The following C3orf20 variants were observed in gnomAD, a reference collection of about 807,000 sequenced individuals.
C3orf20 encodes family with sequence similarity 149 member C.
C3orf20 carries 76 observed loss-of-function variants against 88.3 expected under a neutral mutation model. That is an observed-to-expected ratio of 0.86 (90% CI 0.72 to 1.04). C3orf20 has a LOEUF of 1.04. Among genes scored for constraint, C3orf20 ranks in the 50% least tolerant of loss-of-function variants. C3orf20 has a pLI of 0.00. For missense variants in C3orf20, 1,056 were observed against 1,123.3 expected (o/e 0.94, Z 0.86); for synonymous variants, 436 against 437.4 (o/e 1.00, Z 0.04).
intron 12 of C3orf20, among the ~76,000 whole-genome samples, chr3:14,732,676 T>C (rs984986643): frequency 1.3e-5 from 2 of 152,216 alleles, no homozygotes; most frequent in African/African-American, 4.8e-5. Flanking sequence ...AGGACAGAGA[T>C]GCTGCTAAAC....
intron 12 of C3orf20, among the ~76,000 whole-genome samples, chr3:14,738,817 T>A (rs11926474): frequency 1.1e-4 from 13 of 120,418 alleles, no homozygotes; most frequent in Middle Eastern, 4.0e-3. Flanking sequence ...ATTTTTTTGT[T>A]TTTTTTTTTT....
chr3:14,756,457 G>A (rs1248075543), intron 12 of C3orf20, among the ~76,000 whole-genome samples: 1 of 152,036 alleles, frequency 6.6e-6, no homozygotes, highest in African/African-American at 2.4e-5. Flanking sequence ...ATTCTAGTAG[G>A]ACAGAGAAGT....
intron 15 of C3orf20, chr3:14,767,158 G>A (rs1304238431): frequency 6.6e-6 from 1 of 152,488 alleles, no homozygotes; most frequent in Admixed American, 6.5e-5. Flanking sequence ...GGATGGGAAT[G>A]TGCCAGACCT....
rs2033405317 is a variant in C3orf20, at chr3:14,704,326, C to T, written c.879-11C>T. 6.2e-7 allele frequency: 1 copy of T among 1,613,750 alleles called. No homozygotes were observed. The highest frequency in any genetic ancestry group is 1.3e-5 in the African/African-American group (1 of 75,006). Reference sequence around the variant, plus strand: ...AAAGGCTAGACAATATATTGCTCTCCTTCTCTGCAGAGAAGCTGAAAGGGC... The same window carrying T: ...AAAGGCTAGACAATATATTGCTCTCTTTCTCTGCAGAGAAGCTGAAAGGGC... On this transcript the variant is annotated splice_polypyrimidine_tract_variant and intron_variant, in intron 6 of 16. Transcript: ENST00000253697.
rs141708090 is a variant in C3orf20 at position 14,761,602 on chromosome 3, G to T, written c.2482G>T (p.Asp828Tyr). Residue 828 changes from aspartate to tyrosine, a missense_variant, in exon 15 of 17, where the codon GAC (aspartate) becomes TAC (tyrosine). Asp to Tyr is a radical substitution (Grantham distance 160). Transcript: ENST00000253697. ...CAAGATGGGCTACTTCCTGCCGGAT[G>T]ACTACAAATTCAGGTAAAACAGGAA... ...DYKMGYFLPD[D>Y]YKFSVPNSVL... 9.7e-4 allele frequency: 1,565 copies of T among 1,614,042 alleles called. 22 individuals carry two copies. The South Asian group carries it at 0.013, about 14-fold the overall frequency.
At chr3:14,687,111 A>C (rs2032477416) in intron 4 of C3orf20, among the ~76,000 whole-genome samples, 1 of 152,190 alleles carries the variant, frequency 6.6e-6, no homozygotes, top group Non-Finnish European at 1.5e-5. Context: ...GACTCCATGG[A>C]GAGAAAATAA....
At chr3:14,699,840 C>T (rs1285923441) in intron 5 of C3orf20, among the ~76,000 whole-genome samples, 1 of 152,198 alleles carries the variant, frequency 6.6e-6, no homozygotes. Flanking sequence ...CTGGGAGTTG[C>T]AGTCCTTGCG....
At chr3:14,732,110 A>G (rs1294972102) in intron 12 of C3orf20, among the ~76,000 whole-genome samples, 2 of 152,240 alleles carry the variant, frequency 1.3e-5, no homozygotes, top group Non-Finnish European at 2.9e-5. Flanking sequence ...CATGTCCACC[A>G]ACAATGTATG....
At chr3:14,741,134 G>A (rs1559433755) in intron 12 of C3orf20, among the ~76,000 whole-genome samples, 1 of 152,162 alleles carries the variant, frequency 6.6e-6, no homozygotes, top group Non-Finnish European at 1.5e-5. Flanking sequence ...AGTAGGCTGG[G>A]GGCAGATGAC....
intron 2 of C3orf20, 117 bp from the exon 3 acceptor site, chr3:14,682,460 AG>A (rs1018632513): frequency 2.0e-6 from 1 of 502,430 alleles, no homozygotes; most frequent in African/African-American, 1.9e-5. Flanking sequence ...CCTTTCCCAA[AG>A]TGACTCACTA....
intron 7 of C3orf20, 134 bp downstream of exon 7, chr3:14,704,752 T>G: frequency 2.8e-6 from 3 of 1,072,330 alleles, no homozygotes; most frequent in South Asian, 1.6e-5. Flanking sequence ...TCCTGGGTAT[T>G]AAGAGCTTGT....
At chr3:14,771,060 G>A (rs968155177) in intron 15 of C3orf20, among the ~76,000 whole-genome samples, 1 of 152,224 alleles carries the variant, frequency 6.6e-6, no homozygotes, top group African/African-American at 2.4e-5. Flanking sequence ...CACCTCCAAG[G>A]CAATGGTTTA....
intron 10 of C3orf20, among the ~76,000 whole-genome samples, chr3:14,724,799 A>G (rs970947864): frequency 5.3e-5 from 8 of 152,236 alleles, no homozygotes; most frequent in African/African-American, 1.4e-4. Flanking sequence ...AGCTCACATT[A>G]TATTTCTAGT....
At chr3:14,703,710 T>C (rs932779514) in intron 6 of C3orf20, among the ~76,000 whole-genome samples, 5 of 152,202 alleles carry the variant, frequency 3.3e-5, no homozygotes, top group African/African-American at 1.2e-4. Flanking sequence ...GCACTGTTTG[T>C]TTCTTAACTT....
At chr3:14,770,215 C>T (rs1043142749) in intron 15 of C3orf20, among the ~76,000 whole-genome samples, 1 of 152,138 alleles carries the variant, frequency 6.6e-6, no homozygotes, top group South Asian at 2.1e-4. Context: ...CTAAGAGAGG[C>T]GTTTAAAGGG....
chr3:14,720,707 C>T (rs56932680), intron 9 of C3orf20, among the ~76,000 whole-genome samples: 2,958 of 152,226 alleles, frequency 0.019, 92 homozygotes, highest in African/African-American at 0.066. Context: ...CAGGAGGGTC[C>T]CTGCGTATAA....
chr3:14,764,484 T>C (rs189626612), intron 15 of C3orf20, among the ~76,000 whole-genome samples: 2 of 131,506 alleles, frequency 1.5e-5, no homozygotes, highest in South Asian at 2.2e-4. Flanking sequence ...CAATCGTTTA[T>C]TATTATTATT....
intron 12 of C3orf20, among the ~76,000 whole-genome samples, chr3:14,742,943 G>T (rs1048503568): frequency 6.6e-6 from 1 of 152,022 alleles, no homozygotes; most frequent in African/African-American, 2.4e-5. Context: ...CCCACAACAC[G>T]TGGGAATTCT....
At chr3:14,769,941 A>T (rs1277753109) in intron 15 of C3orf20, among the ~76,000 whole-genome samples, 1 of 152,130 alleles carries the variant, frequency 6.6e-6, no homozygotes, top group Admixed American at 6.5e-5. Context: ...AATGAAAGAA[A>T]GAATGAAATG....
Sources: gnomAD v4.1 joint callset for allele counts (sites outside exome capture counted in the v4.1 genomes callset) on GRCh38, gnomAD v4.1.1 for gene constraint, MANE v1.5 for transcripts, NCBI Gene and HGNC (gene_info 2026-07-23, HGNC 2026-07-21) for gene names.